The following C8orf34 variants were observed in gnomAD, a reference collection of about 807,000 sequenced individuals.
The protein encoded by C8orf34 is chromosome 8 open reading frame 34, also known as uncharacterized protein C8orf34.
A neutral mutation model predicts 68.3 loss-of-function variants in C8orf34; 65 were observed. The ratio of observed to expected loss-of-function variants is 0.95; its 90% CI spans 0.78 to 1.17. The LOEUF is 1.17. Ranked by LOEUF, C8orf34 falls within the 50% of genes most tolerant of loss-of-function variation. The pLI, the probability that C8orf34 is intolerant of heterozygous loss-of-function variation, is 0.00. For missense variants in C8orf34, 664 were observed against 655.4 expected (o/e 1.01, Z -0.14); for synonymous variants, 244 against 241.2 (o/e 1.01, Z -0.11).
intron 10 of C8orf34, among the ~76,000 whole-genome samples, chr8:68,774,198 G>C (rs1823434778): frequency 6.6e-6 from 1 of 151,922 alleles, no homozygotes; most frequent in South Asian, 2.1e-4. Context: ...AGGACTGACT[G>C]GTTCTGTCAT....
intron 10 of C8orf34, among the ~76,000 whole-genome samples, chr8:68,733,807 T>A (rs1463447619): frequency 6.6e-6 from 1 of 152,192 alleles, no homozygotes; most frequent in Non-Finnish European, 1.5e-5. Context: ...GTTATTTTGT[T>A]CAGAATATTG....
At chr8:68,431,905 C>T (rs944985894) in intron 1 of C8orf34, among the ~76,000 whole-genome samples, 2 of 152,064 alleles carry the variant, frequency 1.3e-5, no homozygotes, top group Non-Finnish European at 2.9e-5. Flanking sequence ...TTTATTTTTC[C>T]TACCTTTATC....
chr8:68,791,075 T>C (rs1823981235), intron 12 of C8orf34: 1 of 587,018 alleles, frequency 1.7e-6, no homozygotes, highest in Non-Finnish European at 3.0e-6. Flanking sequence ...GAAATATACA[T>C]GGAGAAGACA....
At chr8:68,576,409 T>C (rs1816908358) in intron 7 of C8orf34, among the ~76,000 whole-genome samples, 1 of 151,626 alleles carries the variant, frequency 6.6e-6, no homozygotes, top group Admixed American at 6.6e-5. Context: ...AATGGAAAGT[T>C]ATCAAAACCT....
chr8:68,704,845 A>T (rs989676639), intron 8 of C8orf34, among the ~76,000 whole-genome samples: 1 of 149,766 alleles, frequency 6.7e-6, no homozygotes, highest in Non-Finnish European at 1.5e-5. Context: ...GTTAACATGA[A>T]TATAATGTGA....
intron 1 of C8orf34, among the ~76,000 whole-genome samples, chr8:68,349,064 TCCAGATTTTGC>T (rs1158372973): frequency 1.3e-5 from 2 of 152,144 alleles, no homozygotes; most frequent in East Asian, 3.9e-4. Context: ...GGTGGATGCT[TCCAGATTTTGC>T]CCAGTCAGTA....
chr8:68,702,673 A>G (rs1821053573), intron 8 of C8orf34, among the ~76,000 whole-genome samples: 1 of 152,156 alleles, frequency 6.6e-6, no homozygotes, highest in African/African-American at 2.4e-5. Context: ...GTCCAACATG[A>G]AAAAATTGTT....
chr8:68,709,266 A>G (rs1181838989), intron 9 of C8orf34, among the ~76,000 whole-genome samples, 187 bp downstream of exon 9: 1 of 152,192 alleles, frequency 6.6e-6, no homozygotes, highest in Non-Finnish European at 1.5e-5. Context: ...GAGAGAAGGA[A>G]TTGAGAAGTG....
At chr8:68,682,382 G>T (rs1820395681) in intron 8 of C8orf34, among the ~76,000 whole-genome samples, 1 of 152,030 alleles carries the variant, frequency 6.6e-6, no homozygotes, top group South Asian at 2.1e-4. Context: ...TTTTTTAAGG[G>T]TAAGATTTGT....
chr8:68,479,925 A>G (rs1453278191), intron 4 of C8orf34, among the ~76,000 whole-genome samples: 1 of 152,226 alleles, frequency 6.6e-6, no homozygotes, highest in Non-Finnish European at 1.5e-5. Context: ...TTTGTGGCTC[A>G]TGTTCTAAGC....
At chr8:68,587,557 A>G (rs1817244636) in intron 7 of C8orf34, among the ~76,000 whole-genome samples, 1 of 152,262 alleles carries the variant, frequency 6.6e-6, no homozygotes, top group East Asian at 1.9e-4. Context: ...GATAGGAAAG[A>G]TAGATAAGCA....
intron 8 of C8orf34, among the ~76,000 whole-genome samples, chr8:68,656,366 C>T (rs924510621): frequency 6.6e-6 from 1 of 152,020 alleles, no homozygotes; most frequent in African/African-American, 2.4e-5. Context: ...TAATTCCAGT[C>T]CTTGTAATTT....
At chr8:68,478,162 T>G (rs1812703101) in intron 4 of C8orf34, among the ~76,000 whole-genome samples, 1 of 152,164 alleles carries the variant, frequency 6.6e-6, no homozygotes, top group Non-Finnish European at 1.5e-5. Context: ...CTGCAAAATT[T>G]TCAAGTTTTT....
At chr8:68,377,590 T>G (rs1291919974) in intron 1 of C8orf34, among the ~76,000 whole-genome samples, 2 of 152,216 alleles carry the variant, frequency 1.3e-5, no homozygotes, top group Non-Finnish European at 2.9e-5. Context: ...TGAGCATCAT[T>G]GGACAATATC....
chr8:68,579,091 C>G (rs1816988422), intron 7 of C8orf34, among the ~76,000 whole-genome samples: 1 of 151,822 alleles, frequency 6.6e-6, no homozygotes, highest in African/African-American at 2.4e-5. Flanking sequence ...AGACTCTGTC[C>G]CTCTGAGTTC....
chr8:68,797,499 A>G (rs1014721105), intron 12 of C8orf34, among the ~76,000 whole-genome samples: 1 of 152,018 alleles, frequency 6.6e-6, no homozygotes, highest in Non-Finnish European at 1.5e-5. Context: ...TGGAGCTACC[A>G]TATTCCATTG....
chr8:68,818,335 A>T lies in C8orf34; in HGVS notation c.*89A>T, dbSNP rs376421977. The T allele has an allele frequency of 7.3e-7, 1 of 1,375,746 alleles. No homozygotes were observed. Among genetic ancestry groups the T allele is most frequent in the East Asian group, 2.3e-5 (1 of 43,292 alleles). 85.2% of individuals were successfully genotyped at this position (1,375,746 alleles called of 1,614,324 possible). ...GTTCTAATTTTATTTACTATGTGTA[A>T]TCATTTAGAGAATGGTTATTTTTAT... On this transcript the variant is annotated 3_prime_UTR_variant, in exon 14 of 14. Coordinates refer to ENST00000518698, the MANE Select transcript of C8orf34 (RefSeq NM_052958.4).
At chr8:68,731,325 C>T (rs953199988) in intron 10 of C8orf34, among the ~76,000 whole-genome samples, 7 of 151,996 alleles carry the variant, frequency 4.6e-5, no homozygotes, top group African/African-American at 1.5e-4. Context: ...TAAAAAGTGA[C>T]CATATTTGTG....
intron 12 of C8orf34, among the ~76,000 whole-genome samples, chr8:68,807,980 C>T (rs1043302763): frequency 5.3e-5 from 8 of 149,778 alleles, no homozygotes; most frequent in African/African-American, 1.9e-4. Flanking sequence ...TACAACTCCA[C>T]TTTTTTTTTT....
Sources: gnomAD v4.1 joint callset for allele counts (sites outside exome capture counted in the v4.1 genomes callset) on GRCh38, gnomAD v4.1.1 for gene constraint, MANE v1.5 for transcripts, NCBI Gene and HGNC (gene_info 2026-07-23, HGNC 2026-07-21) for gene names.